LRBA: variants seen among roughly 807,000 people sequenced by gnomAD.
LRBA encodes the protein lipopolysaccharide-responsive and beige-like anchor protein.
In LRBA, 176 loss-of-function variants were observed where a neutral mutation model predicts 330.0. The observed-to-expected ratio is 0.53, with a 90% confidence interval of 0.47 to 0.60. LRBA has a LOEUF of 0.60. Ranked by LOEUF, LRBA falls within the 20% of genes least tolerant of loss-of-function variation. The pLI is 0.00. For synonymous variants in LRBA, 1,230 were observed against 1,193.0 expected (o/e 1.03, Z -0.64); for missense variants, 3,259 against 3,444.8 (o/e 0.95, Z 1.35).
chr4:150,457,301 A>G (rs1276926939), intron 44 of LRBA, among the ~76,000 whole-genome samples: 4 of 152,100 alleles, frequency 2.6e-5, no homozygotes, highest in Admixed American at 6.6e-5. Context: ...TGTTTTAAAT[A>G]TAACATGCAT....
intron 40 of LRBA, among the ~76,000 whole-genome samples, chr4:150,507,774 C>T (rs984643496): frequency 6.6e-6 from 1 of 152,208 alleles, no homozygotes; most frequent in South Asian, 2.1e-4. Context: ...AAGAAACTAC[C>T]ATCAGAGTGA....
chr4:150,814,962 C>T (rs1014561532), intron 31 of LRBA, among the ~76,000 whole-genome samples: 3 of 151,818 alleles, frequency 2.0e-5, no homozygotes, highest in Middle Eastern at 3.2e-3. Context: ...AAATATTACC[C>T]ATATGTCTCA....
intron 22 of LRBA, among the ~76,000 whole-genome samples, chr4:150,866,309 A>G (rs1369477297): frequency 1.3e-5 from 2 of 152,232 alleles, no homozygotes; most frequent in Non-Finnish European, 2.9e-5. Context: ...AACTCCAAAA[A>G]TAGTTAGATA....
intron 38 of LRBA, 69 bp from the exon 39 acceptor site, chr4:150,590,928 T>C: frequency 2.0e-6 from 3 of 1,496,208 alleles, no homozygotes; most frequent in Non-Finnish European, 2.7e-6. Context: ...GGGTAGGGGC[T>C]TAGGTAAGGG....
chr4:150,983,527 C>A (rs1005612716), intron 2 of LRBA, among the ~76,000 whole-genome samples: 3 of 148,954 alleles, frequency 2.0e-5, no homozygotes, highest in Non-Finnish European at 4.4e-5. Context: ...GATCTCAGCT[C>A]ACTGCAACCT....
Position 150,852,913 on chromosome 4 carries a change from C to T in LRBA, c.2797G>A (p.Ala933Thr). ...VTFEIHKENL[A>T]NIFREQQGKV... ...CCTTGCTGTTCCCTAAATATATTGGCAAGGTTTTCTTTGTGTATTTCAAAA... is the reference window on the plus strand; with the variant it reads ...CCTTGCTGTTCCCTAAATATATTGGTAAGGTTTTCTTTGTGTATTTCAAAA... Residue 933 changes from alanine (A) to threonine (T), a missense_variant, in exon 23 of 57, where the codon GCC becomes ACC. Ala to Thr is a moderately conservative substitution (Grantham distance 58). Transcript: ENST00000651943. The T allele has an allele frequency of 1.9e-6, 3 of 1,585,236 alleles. No individual in the cohort carries two copies. The highest frequency in any genetic ancestry group is 2.6e-6 in the Non-Finnish European group (3 of 1,167,330).
intron 40 of LRBA, among the ~76,000 whole-genome samples, chr4:150,546,992 T>G (rs1303916001): frequency 1.3e-5 from 2 of 152,218 alleles, no homozygotes; most frequent in Non-Finnish European, 2.9e-5. Context: ...AAAACATATT[T>G]AATTCTAACA....
chr4:150,312,802 G>C (rs536469254), intron 51 of LRBA, among the ~76,000 whole-genome samples: 1 of 152,068 alleles, frequency 6.6e-6, no homozygotes. Flanking sequence ...CTAATGCAGA[G>C]AGTTCAAAGA....
At chr4:150,660,530 G>C (rs1383352979) in intron 37 of LRBA, among the ~76,000 whole-genome samples, 3 of 151,326 alleles carry the variant, frequency 2.0e-5, no homozygotes, top group African/African-American at 7.2e-5. Flanking sequence ...GGGAGGTGAG[G>C]GGCGCCTCTG....
At chr4:150,295,918 G>C (rs1290587138) in intron 53 of LRBA, among the ~76,000 whole-genome samples, 1 of 152,084 alleles carries the variant, frequency 6.6e-6, no homozygotes, top group Non-Finnish European at 1.5e-5. Flanking sequence ...GGAGGGGCTT[G>C]GTCTTTGGTT....
chr4:150,447,713 T>C (rs992605087), intron 44 of LRBA, among the ~76,000 whole-genome samples: 1 of 152,218 alleles, frequency 6.6e-6, no homozygotes, highest in African/African-American at 2.4e-5. Context: ...CAAGAGGAAA[T>C]GAAATTAATT....
intron 49 of LRBA, among the ~76,000 whole-genome samples, chr4:150,323,519 T>C (rs1487335903): frequency 6.6e-6 from 1 of 152,230 alleles, no homozygotes; most frequent in Non-Finnish European, 1.5e-5. Context: ...GTTTACATAG[T>C]GACTCTGGTG....
intron 2 of LRBA, among the ~76,000 whole-genome samples, chr4:150,962,862 A>G (rs1148635): frequency 0.95 from 140,279 of 147,092 alleles, 68,075 homozygotes; most frequent in Non-Finnish European, 1. Context: ...GCTGAGGCAG[A>G]AGAATTGCTT....
chr4:150,685,418 ATATTTTTTTTTTTTTT>A (rs1166343779), intron 36 of LRBA, among the ~76,000 whole-genome samples: 2 of 18,792 alleles, frequency 1.1e-4, no homozygotes, highest in South Asian at 3.6e-3. Context: ...ATATATATAT[ATATTTTTTTTTTTTTT>A]TTTTTTTTTT....
intron 20 of LRBA, among the ~76,000 whole-genome samples, chr4:150,869,631 T>C (rs1018018509): frequency 9.9e-5 from 15 of 152,110 alleles, no homozygotes; most frequent in African/African-American, 3.4e-4. Context: ...GAGGTTACAG[T>C]GGCTGAGATC....
chr4:150,765,659 A>G (rs549383725), intron 34 of LRBA, among the ~76,000 whole-genome samples: 1 of 152,238 alleles, frequency 6.6e-6, no homozygotes, highest in African/African-American at 2.4e-5. Flanking sequence ...CAAAACTGCA[A>G]TGGGAAAGGA....
intron 35 of LRBA, among the ~76,000 whole-genome samples, chr4:150,758,206 T>A (rs977449534): frequency 6.6e-6 from 1 of 152,224 alleles, no homozygotes; most frequent in Non-Finnish European, 1.5e-5. Context: ...TGACGGCCAG[T>A]AGGCCCGTTG....
intron 34 of LRBA, among the ~76,000 whole-genome samples, chr4:150,780,166 C>T (rs1463629023): frequency 6.6e-6 from 1 of 152,074 alleles, no homozygotes; most frequent in Non-Finnish European, 1.5e-5. Flanking sequence ...TAAACTGGCA[C>T]TATGTATTCA....
intron 30 of LRBA, among the ~76,000 whole-genome samples, chr4:150,820,431 T>C (rs1341066595): frequency 6.6e-6 from 1 of 152,050 alleles, no homozygotes; most frequent in Non-Finnish European, 1.5e-5. Context: ...AACATAATTT[T>C]AGAATCATCT....
Sources: allele counts gnomAD v4.1 joint callset (sites outside exome capture counted in the v4.1 genomes callset), GRCh38; gene constraint gnomAD v4.1.1; transcripts MANE v1.5; gene names NCBI Gene and HGNC (gene_info 2026-07-23, HGNC 2026-07-21).